YTHDF3: variants seen among roughly 807,000 people sequenced by gnomAD.
The protein encoded by YTHDF3 is YTH domain-containing family protein 3.
A neutral mutation model predicts 52.5 loss-of-function variants in YTHDF3; 9 were observed. That is an observed-to-expected ratio of 0.17 (90% CI 0.10 to 0.30). The LOEUF (loss-of-function observed/expected upper bound fraction) is 0.30. Ranked by LOEUF, YTHDF3 falls within the 10% of genes least tolerant of loss-of-function variation. The pLI is 1.00. For missense variants in YTHDF3, 534 were observed against 715.0 expected (o/e 0.75, Z 2.89); for synonymous variants, 274 against 243.3 (o/e 1.13, Z -1.18).
In YTHDF3 at chr8:63,212,390, T is replaced by C. The variant is rs1009223576; in HGVS notation, c.*2684T>C. ...TCTAATTCGAAAGCTGTGTTCTTTT[T>C]GAATACCGTGCATGGGGGTTAAGCT... On this transcript the variant is annotated 3_prime_UTR_variant, in exon 5 of 5. Transcript: ENST00000539294. The C allele has an allele frequency of 6.6e-6, 1 of 152,492 alleles. No homozygotes were observed. The highest frequency in any genetic ancestry group is 2.4e-5 in the African/African-American group (1 of 41,372). The allele number at this position is 152,492 out of a possible 1,614,324, so 9.4% of individuals were successfully genotyped here. A position where few individuals can be genotyped will look rare whatever the true frequency, so the allele number is the denominator to read the frequency against.
Position 63,187,228 on chromosome 8 carries a change from C to G in YTHDF3, c.1217C>G (p.Pro406Arg). Reference sequence around the variant, plus strand: ...CTAAAGGCCATAAACAACTATAATCCCAAAGACTTTGATTGGAATCTGAAG... The same window carrying G: ...CTAAAGGCCATAAACAACTATAATCGCAAAGACTTTGATTGGAATCTGAAG... The part of the protein sequence containing the change: ...EKLKAINNYN[P>R]KDFDWNLKNG... Residue 406 changes from proline to arginine, a missense_variant, in exon 4 of 5, where the codon CCC becomes CGC. Physicochemically the swap from Pro to Arg is moderately radical, Grantham distance 103. Transcript: ENST00000539294. The G allele has an allele frequency of 1.9e-6, 3 of 1,613,986 alleles. No homozygotes were observed. The highest frequency in any genetic ancestry group is 2.5e-6 in the Non-Finnish European group (3 of 1,179,896).
chr8:63,207,171 T>A (rs889567887), intron 4 of YTHDF3, among the ~76,000 whole-genome samples: 1 of 152,218 alleles, frequency 6.6e-6, no homozygotes, highest in Non-Finnish European at 1.5e-5. Context: ...CAAAAACTGT[T>A]ATGTAGCATG....
intron 2 of YTHDF3, chr8:63,172,942 AGTTT>A: frequency 2.9e-6 from 2 of 687,898 alleles, no homozygotes; most frequent in Non-Finnish European, 4.1e-6. Context: ...TCTTTAAGAT[AGTTT>A]TCTTTAAGAT....
rs1464419119 is a variant in YTHDF3, at chr8:63,186,894, C to A, written c.883C>A (p.Leu295Met). Residue 295 changes from leucine to methionine, a missense_variant, in exon 4 of 5, where the codon CTG (leucine) becomes ATG (methionine). By Grantham distance (15) the Leu-to-Met change is conservative (BLOSUM62 2). Around this residue, in one of 3 missense-constraint regions of YTHDF3, gnomAD observed 203 missense variants for 201.3 expected, o/e 1.01. Coordinates refer to ENST00000539294, the MANE Select transcript of YTHDF3 (RefSeq NM_152758.6). ...VVKAPPTQPVLPPQTIIQQPQ... is the reference protein window; with the variant it reads ...VVKAPPTQPVMPPQTIIQQPQ... ...AAAGGCTCCACCAACCCAACCAGTT[C>A]TGCCTCCTCAAACTATAATCCAGCA... The A allele has an allele frequency of 1.2e-6, 2 of 1,613,894 alleles. No individual in the cohort carries two copies. The highest frequency in any genetic ancestry group is 1.7e-6 in the Non-Finnish European group (2 of 1,179,900).
At chr8:63,203,048 C>T (rs1017658810) in intron 4 of YTHDF3, among the ~76,000 whole-genome samples, 1 of 151,936 alleles carries the variant, frequency 6.6e-6, no homozygotes, top group African/African-American at 2.4e-5. Context: ...TTGGGACCAG[C>T]GTGGCCATCA....
At chr8:63,202,580 G>C (rs1207434338) in intron 4 of YTHDF3, among the ~76,000 whole-genome samples, 1 of 151,620 alleles carries the variant, frequency 6.6e-6, no homozygotes, top group African/African-American at 2.4e-5. Flanking sequence ...TCCTGTCCCA[G>C]CCTCCCAAGT....
intron 4 of YTHDF3, among the ~76,000 whole-genome samples, chr8:63,203,114 C>T (rs919308922): frequency 5.9e-5 from 9 of 151,784 alleles, no homozygotes; most frequent in East Asian, 1.9e-4. Flanking sequence ...TGGTGGCAGA[C>T]GCCTGTGATC....
At chr8:63,189,386 A>G (rs1306865330) in intron 4 of YTHDF3, among the ~76,000 whole-genome samples, 5 of 152,136 alleles carry the variant, frequency 3.3e-5, no homozygotes, top group Admixed American at 3.3e-4. Context: ...GGGCTTTTCT[A>G]TAGGGGATAC....
chr8:63,182,630 C>T (rs1344164709), intron 3 of YTHDF3, among the ~76,000 whole-genome samples: 1 of 152,128 alleles, frequency 6.6e-6, no homozygotes, highest in African/African-American at 2.4e-5. Context: ...ATAAAAACTT[C>T]CTACTTTGTG....
rs1468297948 is a variant in YTHDF3 at position 63,212,117 on chromosome 8, A to G, written c.*2411A>G. On this transcript the variant is annotated 3_prime_UTR_variant, in exon 5 of 5. Coordinates refer to ENST00000539294, the MANE Select transcript of YTHDF3 (RefSeq NM_152758.6). ...TTGAATGATCACAAATTAAGACATT[A>G]TCAGCCCAGTAAATTTCTTGCTTAA... 1 of 152,652 alleles carries G rather than the reference A, an allele frequency of 6.6e-6. No homozygotes were observed. Among genetic ancestry groups the G allele is most frequent in the Non-Finnish European group, 1.5e-5 (1 of 68,014 alleles). 9.5% of individuals were successfully genotyped at this position (152,652 alleles called of 1,614,324 possible). A position where few individuals can be genotyped will look rare whatever the true frequency, so the allele number is the denominator to read the frequency against.
chr8:63,209,627 T>C (rs1810257981), intron 4 of YTHDF3, 56 bp from the exon 5 acceptor site: 1 of 1,472,642 alleles, frequency 6.8e-7, no homozygotes, highest in Non-Finnish European at 9.1e-7. Flanking sequence ...AATCTTTAAA[T>C]AATGAGAGTT....
intron 4 of YTHDF3, among the ~76,000 whole-genome samples, chr8:63,198,991 A>C (rs1809418321): frequency 9.2e-6 from 1 of 108,350 alleles, no homozygotes; most frequent in Non-Finnish European, 1.7e-5. Flanking sequence ...TATTTGATTA[A>C]ATAATTCCTT....
At chr8:63,202,798 T>C (rs190875542) in intron 4 of YTHDF3, among the ~76,000 whole-genome samples, 237 of 152,214 alleles carry the variant, frequency 1.6e-3, no homozygotes, top group Non-Finnish European at 2.2e-3. Context: ...TTTTTAGACC[T>C]ATCAGCCACC....
chr8:63,180,656 C>A (rs1414972531), intron 3 of YTHDF3, among the ~76,000 whole-genome samples: 2 of 152,216 alleles, frequency 1.3e-5, no homozygotes, highest in Non-Finnish European at 2.9e-5. Flanking sequence ...GAGCCGAGAT[C>A]ACGCCACTGC....
At chr8:63,180,016 C>T (rs1289537093) in intron 3 of YTHDF3, among the ~76,000 whole-genome samples, 13 of 150,038 alleles carry the variant, frequency 8.7e-5, no homozygotes, top group African/African-American at 1.5e-4. Context: ...GCTGGCCGGG[C>T]GGGGGGCTGA....
chr8:63,177,538 G>T (rs769948495), intron 3 of YTHDF3, among the ~76,000 whole-genome samples: 1 of 152,120 alleles, frequency 6.6e-6, no homozygotes, highest in African/African-American at 2.4e-5. Flanking sequence ...TGGCAGTATG[G>T]CAGTATTTTC....
intron 2 of YTHDF3, among the ~76,000 whole-genome samples, chr8:63,174,004 T>G (rs1485084348): frequency 6.6e-6 from 1 of 152,112 alleles, no homozygotes; most frequent in Non-Finnish European, 1.5e-5. Context: ...TGGCAAAGAT[T>G]TAAGGGATTT....
intron 4 of YTHDF3, among the ~76,000 whole-genome samples, chr8:63,201,190 T>C (rs1809618678): frequency 6.6e-6 from 1 of 152,156 alleles, no homozygotes; most frequent in South Asian, 2.1e-4. Context: ...AAACAAGGAT[T>C]GCAAAAAGTA....
intron 4 of YTHDF3, among the ~76,000 whole-genome samples, chr8:63,190,375 G>A (rs1301868463): frequency 6.6e-6 from 1 of 151,662 alleles, no homozygotes; most frequent in East Asian, 1.9e-4. Flanking sequence ...TTAATATTAT[G>A]TAGTTGTTTC....
Sources: gnomAD v4.1 joint callset for allele counts (sites outside exome capture counted in the v4.1 genomes callset) on GRCh38, gnomAD v4.1.1 for gene constraint, gnomAD v4.1.1 regional missense constraint, MANE v1.5 for transcripts, NCBI Gene and HGNC (gene_info 2026-07-23, HGNC 2026-07-21) for gene names.